APBA1: variants seen among roughly 807,000 people sequenced by gnomAD.
The protein encoded by APBA1 is amyloid-beta A4 precursor protein-binding family A member 1.
In APBA1, 55 loss-of-function variants were observed where a neutral mutation model predicts 86.6. The ratio of observed to expected loss-of-function variants is 0.64; its 90% CI spans 0.51 to 0.80. The LOEUF (loss-of-function observed/expected upper bound fraction) is 0.80, where lower values mean the gene tolerates loss of function less well. Ranked by LOEUF, APBA1 falls within the 30% of genes least tolerant of loss-of-function variation. The pLI, the probability that APBA1 is intolerant of heterozygous loss-of-function variation, is 0.00. For missense variants in APBA1, 1,090 were observed against 1,183.0 expected, an observed-to-expected ratio of 0.92 and a Z score of 1.15; for synonymous variants, 511 against 493.9, an observed-to-expected ratio of 1.03 and a Z score of -0.46.
At chr9:69,543,771 C>T (rs1450531910) in intron 1 of APBA1, among the ~76,000 whole-genome samples, 1 of 152,168 alleles carries the variant, frequency 6.6e-6, no homozygotes. Flanking sequence ...ATCATATGAC[C>T]TGTTCCAGAA....
At chr9:69,562,532 G>A (rs1045098301) in intron 1 of APBA1, among the ~76,000 whole-genome samples, 3 of 151,832 alleles carry the variant, frequency 2.0e-5, no homozygotes, top group Non-Finnish European at 4.4e-5. Flanking sequence ...ACGCCACCAA[G>A]CCCAGCTAAT....
At chr9:69,483,776 G>A (rs929866237) in intron 2 of APBA1, among the ~76,000 whole-genome samples, 2 of 152,014 alleles carry the variant, frequency 1.3e-5, no homozygotes, top group African/African-American at 4.8e-5. Context: ...CACTCTGTGG[G>A]GAAGCCAAGA....
chr9:69,629,261 C>T (rs1469998930), intron 1 of APBA1, among the ~76,000 whole-genome samples: 1 of 152,102 alleles, frequency 6.6e-6, no homozygotes, highest in African/African-American at 2.4e-5. Flanking sequence ...ATATTTAATT[C>T]TCAAATTTTA....
intron 8 of APBA1, among the ~76,000 whole-genome samples, chr9:69,455,760 C>T (rs577357845): frequency 6.6e-6 from 1 of 152,256 alleles, no homozygotes; most frequent in African/African-American, 2.4e-5. Flanking sequence ...ACAGGAGGTG[C>T]CAAATTCTTC....
intron 1 of APBA1, among the ~76,000 whole-genome samples, chr9:69,582,222 T>A (rs1821925701): frequency 6.6e-6 from 1 of 152,180 alleles, no homozygotes; most frequent in Admixed American, 6.5e-5. Context: ...AAGTGAGTCA[T>A]AATTTGTTTT....
chr9:69,442,358 T>C (rs888134145), intron 10 of APBA1, among the ~76,000 whole-genome samples: 7 of 152,110 alleles, frequency 4.6e-5, no homozygotes, highest in South Asian at 2.1e-4. Context: ...GCGGGGGTCA[T>C]AGCCCTCAGT....
At chr9:69,610,080 G>A (rs998198253) in intron 1 of APBA1, among the ~76,000 whole-genome samples, 3 of 152,160 alleles carry the variant, frequency 2.0e-5, no homozygotes, top group African/African-American at 7.2e-5. Context: ...CACTTTGGGA[G>A]GCCAAAGCAA....
At chr9:69,666,678 CT>C (rs2134031266) in intron 1 of APBA1, among the ~76,000 whole-genome samples, 1 of 152,250 alleles carries the variant, frequency 6.6e-6, no homozygotes, top group Admixed American at 6.5e-5. Flanking sequence ...ATAAACTCAC[CT>C]GGAATCATGA....
intron 1 of APBA1, among the ~76,000 whole-genome samples, chr9:69,618,979 G>A (rs1023882572): frequency 1.3e-5 from 2 of 152,172 alleles, no homozygotes; most frequent in Non-Finnish European, 2.9e-5. Flanking sequence ...AAAGTTAATG[G>A]AGATGCAGTC....
intron 1 of APBA1, among the ~76,000 whole-genome samples, chr9:69,637,606 G>A (rs566730131): frequency 2.0e-5 from 3 of 152,318 alleles, no homozygotes; most frequent in Admixed American, 1.3e-4. Context: ...GATGAAATAC[G>A]CTTCCATACC....
intron 1 of APBA1, among the ~76,000 whole-genome samples, chr9:69,547,267 G>A (rs902119423): frequency 1.3e-5 from 2 of 152,182 alleles, no homozygotes; most frequent in Non-Finnish European, 1.5e-5. Context: ...GCTCTTTCCA[G>A]CTCTCCAGTC....
intron 10 of APBA1, among the ~76,000 whole-genome samples, chr9:69,449,092 T>C (rs1250261182): frequency 2.0e-5 from 3 of 152,228 alleles, no homozygotes; most frequent in Non-Finnish European, 4.4e-5. Flanking sequence ...TGAGTTGCTT[T>C]ACCCGGGGTC....
chr9:69,605,311 A>C (rs1238871805), intron 1 of APBA1, among the ~76,000 whole-genome samples: 1 of 152,242 alleles, frequency 6.6e-6, no homozygotes, highest in East Asian at 1.9e-4. Context: ...CAAACTAAAA[A>C]GAAATTATGC....
At chr9:69,603,292 T>C (rs1357798551) in intron 1 of APBA1, among the ~76,000 whole-genome samples, 1 of 152,248 alleles carries the variant, frequency 6.6e-6, no homozygotes, top group Non-Finnish European at 1.5e-5. Flanking sequence ...TGAGCCCCAG[T>C]CAATGATACC....
intron 9 of APBA1, among the ~76,000 whole-genome samples, chr9:69,450,888 G>A (rs1834996582): frequency 6.6e-6 from 1 of 151,962 alleles, no homozygotes; most frequent in South Asian, 2.1e-4. Flanking sequence ...TGAAGACACA[G>A]CATGAAGACA....
chr9:69,569,774 C>A (rs1018274501), intron 1 of APBA1, among the ~76,000 whole-genome samples: 1 of 152,166 alleles, frequency 6.6e-6, no homozygotes, highest in African/African-American at 2.4e-5. Flanking sequence ...AAAAAAATTT[C>A]TTGCCTTCTT....
At chr9:69,641,567 A>C (rs946396419) in intron 1 of APBA1, among the ~76,000 whole-genome samples, 21 of 152,338 alleles carry the variant, frequency 1.4e-4, no homozygotes, top group African/African-American at 4.8e-4. Flanking sequence ...AAGAAACAAA[A>C]TGAAGTCCAG....
At chr9:69,525,412 T>C (rs1349804268) in intron 1 of APBA1, among the ~76,000 whole-genome samples, 1 of 152,078 alleles carries the variant, frequency 6.6e-6, no homozygotes, top group Non-Finnish European at 1.5e-5. Flanking sequence ...TCTACAAAAA[T>C]CAGTAGCACA....
intron 1 of APBA1, among the ~76,000 whole-genome samples, chr9:69,573,023 G>A (rs1004800921): frequency 6.6e-6 from 1 of 152,164 alleles, no homozygotes; most frequent in African/African-American, 2.4e-5. Context: ...AGCTGGGTGT[G>A]GTGGTGTGCA....
Sources: gnomAD v4.1 joint callset for allele counts (sites outside exome capture counted in the v4.1 genomes callset) on GRCh38, gnomAD v4.1.1 for gene constraint, MANE v1.5 for transcripts, NCBI Gene and HGNC (gene_info 2026-07-23, HGNC 2026-07-21) for gene names.